The following TBC1D22A variants were observed in gnomAD, a reference collection of about 807,000 sequenced individuals.
TBC1D22A encodes the protein TBC1 domain family member 22A, also known as putative GTPase activator.
In TBC1D22A, 38 loss-of-function variants were observed where a neutral mutation model predicts 60.2. That is an observed-to-expected ratio of 0.63 (90% CI 0.49 to 0.83). The LOEUF is 0.83. Ranked by LOEUF, TBC1D22A falls within the 40% of genes least tolerant of loss-of-function variation. The pLI is 0.00. For synonymous variants in TBC1D22A, 302 were observed against 281.7 expected (o/e 1.07, Z -0.72); for missense variants, 628 against 701.0 (o/e 0.90, Z 1.18).
intron 4 of TBC1D22A, among the ~76,000 whole-genome samples, chr22:46,802,002 G>A (rs1459396467): frequency 6.6e-6 from 1 of 152,266 alleles, no homozygotes; most frequent in Non-Finnish European, 1.5e-5. Context: ...CTTGGTGACA[G>A]GAGGAAGCAG....
At chr22:46,911,699 C>G (rs140163757) in intron 7 of TBC1D22A, among the ~76,000 whole-genome samples, 2,692 of 152,230 alleles carry the variant, frequency 0.018, 39 homozygotes, top group South Asian at 0.07. Flanking sequence ...GGGTGGATCA[C>G]TTGAGGTCAG....
chr22:46,898,687 G>A (rs965722895), intron 7 of TBC1D22A, among the ~76,000 whole-genome samples: 2 of 152,192 alleles, frequency 1.3e-5, no homozygotes, highest in African/African-American at 4.8e-5. Context: ...GTGAACATAA[G>A]TTGTCCATTT....
intron 9 of TBC1D22A, among the ~76,000 whole-genome samples, chr22:46,986,823 T>C (rs2074742528): frequency 6.6e-6 from 1 of 152,208 alleles, no homozygotes; most frequent in Admixed American, 6.5e-5. Context: ...GCCTTTGTGC[T>C]CTCGGGCTCT....
intron 12 of TBC1D22A, among the ~76,000 whole-genome samples, chr22:47,155,464 G>A (rs2067675812): frequency 2.6e-5 from 4 of 152,214 alleles, no homozygotes; most frequent in Admixed American, 1.3e-4. Context: ...GGCTATCAGA[G>A]CCTGCACTCC....
At position 47,028,935 on chromosome 22, in the gene TBC1D22A, G is replaced by C. The variant is rs554692461; in HGVS notation, c.1202-8136G>C. Among the ~76,000 whole-genome samples, 3 of 152,286 alleles carry C rather than the reference G, an allele frequency of 2.0e-5. No homozygotes were observed. In the East Asian group the frequency reaches 5.8e-4, roughly 29 times the overall value. On this transcript the variant is annotated intron_variant, in intron 10 of 12. Coordinates refer to ENST00000337137, the MANE Select transcript of TBC1D22A (RefSeq NM_014346.5). This position sits in a 1 kb window ranked among gnomAD's most constrained non-coding sequence, Gnocchi z 4.4. ...GCTAAGGGCTCAGTCCTTAACAAGA[G>C]CACCCTCACTTCAGACTCCAGCTGC...
rs149450005 is a variant in TBC1D22A, at chr22:46,804,122, A to G, written c.637+6502A>G. ...CTTGAGCCAAGGACGGGCTTTCCCA[A>G]CCGTGTGACTCTGGGTTTGCGTTTT... On this transcript the variant is annotated intron_variant, in intron 4 of 12. Transcript: ENST00000337137. Among the ~76,000 whole-genome samples, 30 of 152,276 alleles carry G rather than the reference A, an allele frequency of 2.0e-4. No individual in the cohort carries two copies. In the East Asian group the frequency reaches 4.4e-3, roughly 23 times the overall value.
chr22:46,830,673 G>C (rs1043298708), intron 4 of TBC1D22A, among the ~76,000 whole-genome samples: 2 of 152,192 alleles, frequency 1.3e-5, no homozygotes, highest in African/African-American at 4.8e-5. Context: ...TCCTTTTACA[G>C]GGAAGTGAAT....
At chr22:46,979,050 GT>G (rs2148153281) in intron 9 of TBC1D22A, among the ~76,000 whole-genome samples, 1 of 152,298 alleles carries the variant, frequency 6.6e-6, no homozygotes, top group Admixed American at 6.5e-5. Context: ...TTTACACTCA[GT>G]TACATTAAAG....
chr22:46,781,978 C>T (rs1235050744), intron 1 of TBC1D22A, among the ~76,000 whole-genome samples: 1 of 152,222 alleles, frequency 6.6e-6, no homozygotes, highest in Non-Finnish European at 1.5e-5. Flanking sequence ...TCATGTGAAG[C>T]ATGCTGAAGT....
In TBC1D22A at chr22:46,997,725, G is replaced by T. The variant is rs377644557; in HGVS notation, c.1201+16G>T. ...CGGATTGATGGTAAGCCAGCTTCCC[G>T]CGCAGCCCCTCTCTGTGGGCGGGGG... On this transcript the variant is annotated intron_variant, in intron 10 of 12. Transcript: ENST00000337137. 1.1e-5 allele frequency: 17 copies of T among 1,613,222 alleles called. No homozygotes were observed. The highest frequency in any genetic ancestry group is 1.4e-5 in the Non-Finnish European group (16 of 1,179,590).
Position 46,849,389 on chromosome 22 carries a change from G to A in TBC1D22A, c.638-29264G>A, listed in dbSNP as rs538208976. ...TGTTTCTCTGTGAAATTCTAGAACT[G>A]ATTAGTGGAGGCCTCAGATCCCATT... On this transcript the variant is annotated intron_variant, in intron 4 of 12. Coordinates refer to ENST00000337137, the MANE Select transcript of TBC1D22A (RefSeq NM_014346.5). 2.7e-4 allele frequency among the ~76,000 whole-genome samples: 41 copies of A among 152,330 alleles called. No individual in the cohort carries two copies. In the South Asian group the frequency reaches 5.2e-3, roughly 19 times the overall value.
At chr22:46,880,013 G>T (rs1366623571) in intron 5 of TBC1D22A, among the ~76,000 whole-genome samples, 1 of 152,202 alleles carries the variant, frequency 6.6e-6, no homozygotes, top group African/African-American at 2.4e-5. Context: ...GGGTGTAGGT[G>T]GAGTCTGACC....
intron 8 of TBC1D22A, among the ~76,000 whole-genome samples, chr22:46,925,368 G>A (rs558195920): frequency 6.6e-6 from 1 of 152,368 alleles, no homozygotes; most frequent in African/African-American, 2.4e-5. Context: ...GCTCGTGTGT[G>A]GAATAGCGAA....
intron 4 of TBC1D22A, among the ~76,000 whole-genome samples, chr22:46,860,955 G>A (rs1602197705): frequency 6.6e-6 from 1 of 151,192 alleles, no homozygotes; most frequent in East Asian, 1.9e-4. Flanking sequence ...TTTTGGCGAA[G>A]GCATATTTGA....
At chr22:47,127,014 C>T (rs2066481373) in intron 12 of TBC1D22A, among the ~76,000 whole-genome samples, 2 of 152,228 alleles carry the variant, frequency 1.3e-5, no homozygotes, top group East Asian at 1.9e-4. Context: ...CACGCAATAT[C>T]CACATACACA....
chr22:46,774,474 C>T (rs189945354), intron 1 of TBC1D22A, among the ~76,000 whole-genome samples: 23 of 152,362 alleles, frequency 1.5e-4, no homozygotes, highest in East Asian at 5.8e-4. Context: ...TGAAGGGGCA[C>T]GTAGGCCCTT....
Position 47,160,106 on chromosome 22 carries a change from G to A in TBC1D22A, c.1426-13392G>A, listed in dbSNP as rs527270046. Among the ~76,000 whole-genome samples, 21 of 152,298 alleles carry A rather than the reference G, an allele frequency of 1.4e-4. No homozygotes were observed. In the South Asian group the frequency reaches 4.1e-3, roughly 30 times the overall value. ...GGGTGGGGGAAGGGCAGGGGAGGCC[G>A]GGCCGCCCAACCCCTTCCTTGGTTT... On this transcript the variant is annotated intron_variant, in intron 12 of 12. Transcript: ENST00000337137.
At chr22:47,037,332 T>A in intron 11 of TBC1D22A, 134 bp downstream of exon 11, 2 of 1,305,132 alleles carry the variant, frequency 1.5e-6, no homozygotes, top group African/African-American at 1.5e-5. Flanking sequence ...ATGCGGTCTT[T>A]AAAAAGTATA....
Position 46,872,154 on chromosome 22 carries a change from A to G in TBC1D22A, c.638-6499A>G, listed in dbSNP as rs367769213. The stretch of plus-strand genomic sequence containing the variant: ...TGATTAAAAAAATTAAATTTGTTAT[A>G]CAAGAGCCTTCACTCAAGGAAAACA... On this transcript the variant is annotated intron_variant, in intron 4 of 12. Coordinates refer to ENST00000337137, the MANE Select transcript of TBC1D22A (RefSeq NM_014346.5). Among the ~76,000 whole-genome samples the G allele has an allele frequency of 2.6e-5, 4 of 152,356 alleles. No individual in the cohort carries two copies. In the East Asian group the frequency reaches 5.8e-4, roughly 22 times the overall value.
Sources: gnomAD v4.1 joint callset for allele counts (sites outside exome capture counted in the v4.1 genomes callset) on GRCh38, gnomAD v4.1.1 for gene constraint, Gnocchi (gnomAD v3.1) non-coding constraint, MANE v1.5 for transcripts, NCBI Gene and HGNC (gene_info 2026-07-23, HGNC 2026-07-21) for gene names.